CWF19L2: variants seen among roughly 807,000 people sequenced by gnomAD.
CWF19L2 encodes the protein CWF19 like cell cycle control factor 2.
Under a neutral mutation model 111.7 loss-of-function variants are expected in CWF19L2, and 98 were observed. The ratio of observed to expected loss-of-function variants is 0.88; its 90% CI spans 0.75 to 1.04. The LOEUF (loss-of-function observed/expected upper bound fraction) is 1.04. CWF19L2 is among the 50% of genes least tolerant of loss of function. The probability of loss-of-function intolerance (pLI) is 0.00; values close to 1 mark genes in which losing one functional copy is unlikely to be tolerated. For synonymous variants in CWF19L2, 351 were observed against 342.9 expected, an observed-to-expected ratio of 1.02 and a Z score of -0.26; for missense variants, 1,101 against 1,051.4, an observed-to-expected ratio of 1.05 and a Z score of -0.65.
In CWF19L2 at chr11:107,418,182, TA is replaced by T. The variant is rs751091218; in HGVS notation, c.1527+11del. 4.0e-6 allele frequency: 6 copies of T among 1,508,240 alleles called. No individual in the cohort carries two copies. In the Admixed American group the frequency reaches 1.0e-4, roughly 25 times the overall value. 93.4% of individuals were successfully genotyped at this position (1,508,240 alleles called of 1,614,324 possible). ...AATCATTATTCTCTAAAGCAACATC[TA>T]AGAGTCTTACCATATTCCCCATCAT... On this transcript the variant is annotated intron_variant, in intron 9 of 17. Coordinates refer to ENST00000282251, the MANE Select transcript of CWF19L2 (RefSeq NM_152434.3).
chr11:107,437,242 A>G (rs1454964556), intron 6 of CWF19L2, among the ~76,000 whole-genome samples: 1 of 152,192 alleles, frequency 6.6e-6, no homozygotes, highest in Admixed American at 6.5e-5. Flanking sequence ...TAAGATAGGT[A>G]ATATCATTAT....
chr11:107,386,136 C>A (rs1860762096), intron 12 of CWF19L2, among the ~76,000 whole-genome samples: 1 of 152,162 alleles, frequency 6.6e-6, no homozygotes, highest in South Asian at 2.1e-4. Flanking sequence ...ACCTCAGCTT[C>A]CTGCATAGCT....
intron 7 of CWF19L2, among the ~76,000 whole-genome samples, chr11:107,431,457 T>C (rs1861464735): frequency 6.6e-6 from 1 of 152,082 alleles, no homozygotes; most frequent in Admixed American, 6.5e-5. Flanking sequence ...GGGATGACTC[T>C]ATATTATAAA....
chr11:107,437,572 G>A (rs568857942), intron 6 of CWF19L2, among the ~76,000 whole-genome samples: 5 of 152,114 alleles, frequency 3.3e-5, no homozygotes. Flanking sequence ...GAAGCTTTCT[G>A]TCATTTTTTC....
intron 12 of CWF19L2, among the ~76,000 whole-genome samples, chr11:107,389,278 T>G (rs1188138119): frequency 1.3e-5 from 2 of 152,134 alleles, no homozygotes; most frequent in African/African-American, 4.8e-5. Flanking sequence ...ACACAGAAAA[T>G]ATTTGCAGCT....
chr11:107,331,802 A>T lies in CWF19L2; in HGVS notation c.2440-1783T>A, dbSNP rs1351991737. 2.0e-5 allele frequency among the ~76,000 whole-genome samples: 3 copies of T among 152,194 alleles called. No individual in the cohort carries two copies. In the East Asian group the frequency reaches 5.8e-4, roughly 29 times the overall value. On this transcript the variant is annotated intron_variant, in intron 16 of 17. Coordinates refer to ENST00000282251, the MANE Select transcript of CWF19L2 (RefSeq NM_152434.3). ...ATGAACACACTACTACTTTCACACA[A>T]AGGCAACTGCTGTCACAAGCTTCTC...
At chr11:107,417,888 T>C (rs1377656986) in intron 9 of CWF19L2, among the ~76,000 whole-genome samples, 1 of 152,208 alleles carries the variant, frequency 6.6e-6, no homozygotes, top group Admixed American at 6.5e-5. Flanking sequence ...GCCACCCCGA[T>C]AGCTGGAATT....
chr11:107,434,685 A>G lies in CWF19L2; in HGVS notation c.665-936T>C, dbSNP rs80124276. ...AATATTACACAGCAAAAAAAAAAAAAAAAAGAAAAAACTACAACTATATAC... is the reference window on the plus strand; with the variant it reads ...AATATTACACAGCAAAAAAAAAAAAGAAAAGAAAAAACTACAACTATATAC... On this transcript the variant is annotated intron_variant, in intron 6 of 17. Coordinates refer to ENST00000282251, the MANE Select transcript of CWF19L2 (RefSeq NM_152434.3). 1.8e-3 allele frequency among the ~76,000 whole-genome samples: 265 copies of G among 151,150 alleles called. 3 individuals carry two copies. The highest frequency in any genetic ancestry group is 5.7e-3 in the African/African-American group (235 of 41,018).
In CWF19L2 at chr11:107,353,592, C is replaced by G. The variant is rs1405029878; in HGVS notation, c.2017G>C (p.Glu673Gln). 1.2e-6 allele frequency: 2 copies of G among 1,613,678 alleles called. No homozygotes were observed. The highest frequency in any genetic ancestry group is 1.7e-6 in the Non-Finnish European group (2 of 1,179,782). The change falls in exon 13 of 18, where the codon GAA becomes CAA. Residue 673 changes from glutamate to glutamine, a missense_variant. Transcript: ENST00000282251. ...AEHRSLAAQM[E>Q]KCLYCFDSSQ... ...CTGTCAAAACAATACAGACATTTTT[C>G]CATTTGTGCAGCAAGACTCCGATGC...
intron 14 of CWF19L2, among the ~76,000 whole-genome samples, chr11:107,346,781 C>T (rs1253364358): frequency 1.3e-5 from 2 of 152,128 alleles, no homozygotes; most frequent in African/African-American, 4.8e-5. Context: ...ACTTAATGTC[C>T]GTACATGTTC....
At chr11:107,408,501 G>A (rs574134) in intron 10 of CWF19L2, among the ~76,000 whole-genome samples, 106,383 of 151,686 alleles carry the variant, frequency 0.7, 37,730 homozygotes, top group Non-Finnish European at 0.77. Context: ...CTAGAGAACA[G>A]ACAGATTCTG....
chr11:107,357,332 T>A (rs1460276498), intron 12 of CWF19L2, among the ~76,000 whole-genome samples: 3 of 152,218 alleles, frequency 2.0e-5, no homozygotes, highest in African/African-American at 7.2e-5. Context: ...GTTAAGGTAC[T>A]TAACAGTGGG....
intron 10 of CWF19L2, among the ~76,000 whole-genome samples, chr11:107,412,312 T>C (rs957237933): frequency 3.9e-5 from 6 of 152,190 alleles, no homozygotes; most frequent in Non-Finnish European, 8.8e-5. Flanking sequence ...AGCAACCGCA[T>C]TCCTTGATAT....
At chr11:107,363,173 T>G (rs1041959156) in intron 12 of CWF19L2, among the ~76,000 whole-genome samples, 2 of 151,792 alleles carry the variant, frequency 1.3e-5, no homozygotes, top group African/African-American at 2.4e-5. Context: ...TGGGACTATG[T>G]GAAAAGACCA....
intron 14 of CWF19L2, among the ~76,000 whole-genome samples, chr11:107,344,128 G>A (rs746716822): frequency 6.6e-5 from 10 of 152,116 alleles, no homozygotes; most frequent in African/African-American, 7.2e-5. Context: ...CACAAGAATC[G>A]ATTGAACCCA....
intron 6 of CWF19L2, 131 bp from the exon 7 acceptor site, chr11:107,433,880 TTATATATATATATA>T (rs61304388): frequency 0.068 from 8,330 of 122,208 alleles, 317 homozygotes; most frequent in Middle Eastern, 0.095. Flanking sequence ...CTTTGGAATT[TTATATATATATATA>T]TATATATATA....
chr11:107,383,260 G>A lies in CWF19L2; in HGVS notation c.1872+6814C>T, dbSNP rs141139430. ...CTGGTACCAGTCTGGGCATCTGGAG[G>A]ACAGACTTGGGGACTGAGACCCCAA... is the stretch of plus-strand genomic sequence containing the variant. On this transcript the variant is annotated intron_variant, in intron 12 of 17. Transcript: ENST00000282251. 6.3e-3 allele frequency among the ~76,000 whole-genome samples: 966 copies of A among 152,242 alleles called. 11 individuals are homozygous for A. Among genetic ancestry groups the A allele is most frequent in the African/African-American group, 0.022 (925 of 41,546 alleles).
chr11:107,411,603 T>C lies in CWF19L2; in HGVS notation c.1617+4606A>G, dbSNP rs553857798. On this transcript the variant is annotated intron_variant, in intron 10 of 17. Transcript: ENST00000282251. Reference sequence around the variant, plus strand: ...TTAGTCTGATTATTTCTTAAAATAATTGAGTGATTTGCTAAATTTACCAAG... The same window carrying C: ...TTAGTCTGATTATTTCTTAAAATAACTGAGTGATTTGCTAAATTTACCAAG... Among the ~76,000 whole-genome samples, 4 of 152,252 alleles carry C rather than the reference T, an allele frequency of 2.6e-5. No individual in the cohort carries two copies. The East Asian group carries it at 7.7e-4, about 29-fold the overall frequency.
intron 10 of CWF19L2, among the ~76,000 whole-genome samples, chr11:107,397,711 C>T (rs1053455990): frequency 2.6e-5 from 4 of 152,180 alleles, no homozygotes; most frequent in African/African-American, 9.7e-5. Flanking sequence ...GGAGGCCAAC[C>T]AGCACAAAAA....
Sources: gnomAD v4.1 joint callset for allele counts (sites outside exome capture counted in the v4.1 genomes callset) on GRCh38, gnomAD v4.1.1 for gene constraint, MANE v1.5 for transcripts, NCBI Gene and HGNC (gene_info 2026-07-23, HGNC 2026-07-21) for gene names.